Variants in PRIM2 observed in about 807,000 individuals in gnomAD.
PRIM2 encodes DNA primase subunit 2, also known as DNA primase large subunit.
PRIM2 carries 39 observed loss-of-function variants against 67.3 expected under a neutral mutation model. That is an observed-to-expected ratio of 0.58 (90% CI 0.45 to 0.76). The LOEUF (loss-of-function observed/expected upper bound fraction) is 0.76, where lower values mean the gene tolerates loss of function less well. PRIM2 is among the 30% of genes least tolerant of loss of function. The pLI, the probability that PRIM2 is intolerant of heterozygous loss-of-function variation, is 0.00. For synonymous variants in PRIM2, 143 were observed against 198.7 expected, an observed-to-expected ratio of 0.72 and a Z score of 2.36; for missense variants, 398 against 598.7, an observed-to-expected ratio of 0.66 and a Z score of 3.50.
chr6:57,609,815 C>T (rs1462550080), intron 12 of PRIM2, among the ~76,000 whole-genome samples: 1 of 152,128 alleles, frequency 6.6e-6, no homozygotes, highest in African/African-American at 2.4e-5. Flanking sequence ...TAGAGTGAAG[C>T]AGCTGGTGGA....
chr6:57,295,097 T>C, the PRIM2 span, among the ~76,000 whole-genome samples: 1 of 152,204 alleles, frequency 6.6e-6, no homozygotes, highest in Non-Finnish European at 1.5e-5. Flanking sequence ...AGCTGTACTT[T>C]GTAACATTTT....
At chr6:57,412,588 T>G (rs2127365104) in intron 7 of PRIM2, among the ~76,000 whole-genome samples, 2 of 152,178 alleles carry the variant, frequency 1.3e-5, no homozygotes, top group Admixed American at 6.5e-5. Flanking sequence ...GGTTCAACTC[T>G]TCAATTATTC....
At chr6:57,240,746 A>G in the PRIM2 span, among the ~76,000 whole-genome samples, 1 of 152,192 alleles carries the variant, frequency 6.6e-6, no homozygotes, top group South Asian at 2.1e-4. Context: ...TTACATTTCT[A>G]GAATACAGTA....
At chr6:57,290,127 GA>G in the PRIM2 span, among the ~76,000 whole-genome samples, 779 of 118,020 alleles carry the variant, frequency 6.6e-3, 5 homozygotes, top group African/African-American at 0.017. Flanking sequence ...CAAATAGAAA[GA>G]AAAAAAAAAA....
the PRIM2 span, among the ~76,000 whole-genome samples, chr6:57,300,757 T>G: frequency 6.6e-6 from 1 of 152,156 alleles, no homozygotes; most frequent in African/African-American, 2.4e-5. Flanking sequence ...GTGCAGTGGC[T>G]CACACCTGTA....
intron 7 of PRIM2, among the ~76,000 whole-genome samples, chr6:57,400,322 C>T (rs568553861): frequency 3.3e-4 from 50 of 152,294 alleles, no homozygotes; most frequent in Middle Eastern, 6.8e-3. Context: ...TCAACATTTT[C>T]TTATCTGAAA....
chr6:57,561,590 G>C (rs1182725015), intron 10 of PRIM2, among the ~76,000 whole-genome samples: 12 of 152,268 alleles, frequency 7.9e-5, no homozygotes, highest in Admixed American at 1.3e-4. Flanking sequence ...TCACAGAATT[G>C]AAGAGAGTTA....
At chr6:57,236,864 C>T in the PRIM2 span, among the ~76,000 whole-genome samples, 9 of 152,062 alleles carry the variant, frequency 5.9e-5, no homozygotes, top group South Asian at 2.1e-4. Flanking sequence ...TGAATAGTGC[C>T]GCAATGAACA....
At chr6:57,436,423 A>G (rs1324660865) in intron 7 of PRIM2, among the ~76,000 whole-genome samples, 4 of 152,194 alleles carry the variant, frequency 2.6e-5, no homozygotes, top group African/African-American at 9.6e-5. Flanking sequence ...TTCCTATTTA[A>G]ATGTTTGATT....
the PRIM2 span, among the ~76,000 whole-genome samples, chr6:57,283,002 T>C: frequency 1.3e-5 from 2 of 152,002 alleles, no homozygotes; most frequent in Non-Finnish European, 2.9e-5. Flanking sequence ...ACTCTCACTC[T>C]TCTCATCATT....
intron 7 of PRIM2, among the ~76,000 whole-genome samples, chr6:57,486,311 T>G (rs1288415496): frequency 6.6e-6 from 1 of 152,148 alleles, no homozygotes; most frequent in Non-Finnish European, 1.5e-5. Flanking sequence ...CTTGTGGGGG[T>G]TATTTATATC....
intron 13 of PRIM2, among the ~76,000 whole-genome samples, chr6:57,636,526 G>A (rs1428619775): frequency 5.9e-5 from 9 of 152,174 alleles, no homozygotes; most frequent in African/African-American, 2.2e-4. Context: ...ACCCATCCTA[G>A]AAGAAAATAG....
At chr6:57,345,348 G>A (rs2127296789) in intron 5 of PRIM2, among the ~76,000 whole-genome samples, 1 of 151,916 alleles carries the variant, frequency 6.6e-6, no homozygotes, top group African/African-American at 2.4e-5. Context: ...TGTGTTTTTA[G>A]TAGAGACGGG....
chr6:57,479,399 A>G (rs1773558720), intron 7 of PRIM2, among the ~76,000 whole-genome samples: 3 of 152,124 alleles, frequency 2.0e-5, no homozygotes, highest in Non-Finnish European at 2.9e-5. Flanking sequence ...CAAGAATAAC[A>G]GGAATAGGAA....
At chr6:57,350,836 A>G (rs1470969366) in intron 5 of PRIM2, among the ~76,000 whole-genome samples, 7 of 152,108 alleles carry the variant, frequency 4.6e-5, no homozygotes, top group Non-Finnish European at 8.8e-5. Flanking sequence ...TGTTTACTTA[A>G]CATTATTTTA....
chr6:57,527,057 C>T (rs1774769820), intron 8 of PRIM2, among the ~76,000 whole-genome samples: 1 of 152,142 alleles, frequency 6.6e-6, no homozygotes, highest in Admixed American at 6.5e-5. Context: ...TTGGCACTTC[C>T]AGGTAAAAGC....
intron 10 of PRIM2, among the ~76,000 whole-genome samples, chr6:57,567,529 C>T (rs1255758970): frequency 2.4e-4 from 37 of 152,076 alleles, no homozygotes; most frequent in Admixed American, 2.4e-3. Context: ...GGACATAACC[C>T]CACCATAAGT....
the PRIM2 span, among the ~76,000 whole-genome samples, chr6:57,241,040 C>T: frequency 2.0e-5 from 3 of 151,616 alleles, no homozygotes; most frequent in Non-Finnish European, 4.4e-5. Context: ...CTGGCTAACA[C>T]GGGTGAAACT....
chr6:57,318,176 T>A (rs923111076), intron 1 of PRIM2, among the ~76,000 whole-genome samples: 2 of 152,178 alleles, frequency 1.3e-5, no homozygotes, highest in African/African-American at 4.8e-5. Context: ...CTGACTTTCA[T>A]GTTGCTGAAA....
Sources: gnomAD v4.1 joint callset for allele counts (sites outside exome capture counted in the v4.1 genomes callset) on GRCh38, gnomAD v4.1.1 for gene constraint, MANE v1.5 for transcripts, NCBI Gene and HGNC (gene_info 2026-07-23, HGNC 2026-07-21) for gene names.